The following ST14 variants were observed in gnomAD, a reference collection of about 807,000 sequenced individuals.
ST14 encodes the protein suppressor of tumorigenicity 14 protein.
Under a neutral mutation model 96.5 loss-of-function variants are expected in ST14, and 40 were observed. The observed-to-expected ratio is 0.41, with a 90% CI of 0.32 to 0.54. ST14 has a LOEUF of 0.54. ST14 is among the 20% of genes least tolerant of loss of function. The probability of loss-of-function intolerance (pLI) is 0.17; values close to 1 mark genes in which losing one functional copy is unlikely to be tolerated. For synonymous variants in ST14, 506 were observed against 492.1 expected, an observed-to-expected ratio of 1.03 and a Z score of -0.37; for missense variants, 1,066 against 1,188.9, an observed-to-expected ratio of 0.90 and a Z score of 1.52.
intron 7 of ST14, among the ~76,000 whole-genome samples, chr11:130,192,647 C>A (rs1953315863): frequency 6.6e-6 from 1 of 152,224 alleles, no homozygotes; most frequent in Non-Finnish European, 1.5e-5. Flanking sequence ...CTGCCTTGGC[C>A]TCCCAAAGTA....
chr11:130,186,372 A>G (rs1953238041), intron 1 of ST14, among the ~76,000 whole-genome samples: 1 of 152,244 alleles, frequency 6.6e-6, no homozygotes, highest in African/African-American at 2.4e-5. Flanking sequence ...GTTTTAACGC[A>G]GAAGGAGATT....
In ST14 at chr11:130,206,363, G is replaced by A. The variant is rs1490837398; in HGVS notation, c.1995-2047G>A. ...TCATAAAGGGGCTTCCCCCTTGGTC[G>A]TGACTACACTGCAGGTGATTCTTTG... is the stretch of plus-strand genomic sequence containing the variant. On this transcript the variant is annotated intron_variant, in intron 16 of 18. Transcript: ENST00000278742. Among the ~76,000 whole-genome samples, 7 of 150,628 alleles carry A rather than the reference G, an allele frequency of 4.6e-5. No individual in the cohort carries two copies. The South Asian group carries it at 1.5e-3, about 32-fold the overall frequency.
chr11:130,189,607 G>T (rs143621465), intron 4 of ST14, 132 bp from the exon 5 acceptor site: 2 of 1,180,364 alleles, frequency 1.7e-6, no homozygotes, highest in Admixed American at 3.9e-5. Flanking sequence ...CACAAGAGGA[G>T]CTGGGGAAGG....
intron 1 of ST14, among the ~76,000 whole-genome samples, chr11:130,164,694 C>A (rs1215208088): frequency 1.3e-5 from 2 of 151,090 alleles, no homozygotes; most frequent in Admixed American, 6.6e-5. Context: ...GCTGGGACTA[C>A]AAGTGTGAGC....
At chr11:130,192,218 G>A (rs1282944255) in intron 7 of ST14, among the ~76,000 whole-genome samples, 1 of 152,166 alleles carries the variant, frequency 6.6e-6, no homozygotes, top group African/African-American at 2.4e-5. Context: ...TTCAGGCCAA[G>A]AACAACCTAG....
In ST14 at chr11:130,196,616, A is replaced by G. The variant is rs1453969240; in HGVS notation, c.1270A>G (p.Lys424Glu). 6.2e-7 allele frequency: 1 copy of G among 1,613,640 alleles called. No homozygotes were observed. The highest frequency in any genetic ancestry group is 1.1e-5 in the South Asian group (1 of 91,060). Residue 424 changes from lysine (K) to glutamate (E), a missense_variant, in exon 11 of 19, where the codon AAG (lysine) becomes GAG (glutamate). Physicochemically the swap from Lys to Glu is moderately conservative, Grantham distance 56. Coordinates refer to ENST00000278742, the MANE Select transcript of ST14 (RefSeq NM_021978.4). The part of the protein sequence containing the change: ...SQFVVTSNSN[K>E]ITVRFHSDQS... Reference sequence around the variant, plus strand: ...GTTCGTCGTCACCAGCAACAGCAACAAGATCACAGTTCGCTTCCACTCAGA... The same window carrying G: ...GTTCGTCGTCACCAGCAACAGCAACGAGATCACAGTTCGCTTCCACTCAGA...
At chr11:130,173,666 G>A (rs542547277) in intron 1 of ST14, among the ~76,000 whole-genome samples, 1 of 152,098 alleles carries the variant, frequency 6.6e-6, no homozygotes, top group South Asian at 2.1e-4. Flanking sequence ...AGTCTGTAGT[G>A]TGGGCCTTAG....
chr11:130,198,693 A>G lies in ST14; in HGVS notation c.1684+72A>G. The G allele has an allele frequency of 2.8e-6, 4 of 1,432,132 alleles. No homozygotes were observed. The South Asian group carries it at 3.5e-5, about 13-fold the overall frequency. The allele number at this position is 1,432,132 out of a possible 1,614,324, so 88.7% of individuals were successfully genotyped here. On this transcript the variant is annotated intron_variant, in intron 14 of 18. Coordinates refer to ENST00000278742, the MANE Select transcript of ST14 (RefSeq NM_021978.4). ...AGGAGGCTGCCCTGAGCACACGCAC[A>G]TGCAGGACGCCCCGAGTTTAATGAA...
chr11:130,199,126 C>A, intron 15 of ST14, 57 bp downstream of exon 15: 1 of 1,564,346 alleles, frequency 6.4e-7, no homozygotes, highest in East Asian at 2.3e-5. Flanking sequence ...AAGTGCCCAC[C>A]AGAGGGTGCA....
chr11:130,199,120 G>A (rs1474365901), intron 15 of ST14, 51 bp downstream of exon 15: 4 of 1,581,494 alleles, frequency 2.5e-6, no homozygotes, highest in Non-Finnish European at 3.4e-6. Context: ...TGTGTGAAGT[G>A]CCCACCAGAG....
At chr11:130,186,059 C>T (rs149113643) in intron 1 of ST14, among the ~76,000 whole-genome samples, 1,726 of 152,300 alleles carry the variant, frequency 0.011, 28 homozygotes, top group African/African-American at 0.039. Context: ...CCACCTGCCT[C>T]GGCCTCCCAA....
Position 130,208,624 on chromosome 11 carries a change from C to T in ST14, c.2209C>T (p.His737Tyr), listed in dbSNP as rs753106631. The change falls in exon 17 of 19, where the codon CAT (histidine) becomes TAT (tyrosine). Residue 737 changes from histidine (H) to tyrosine (Y), a missense_variant. By Grantham distance (83) the His-to-Tyr change is moderately conservative (BLOSUM62 2). Transcript: ENST00000278742. The stretch of plus-strand genomic sequence containing the variant: ...GCCCATCTGCCTGCCGGACGCCTCC[C>T]ATGTCTTCCCTGCCGGCAAGGCCAT... The part of the protein sequence containing the change: ...VRPICLPDAS[H>Y]VFPAGKAIWV... 7 of 1,613,914 alleles carry T rather than the reference C, an allele frequency of 4.3e-6. No homozygotes were observed. The highest frequency in any genetic ancestry group is 1.3e-5 in the African/African-American group (1 of 74,944).
At position 130,209,542 on chromosome 11, in the gene ST14, C is replaced by T. The variant is rs1406375113; in HGVS notation, c.2370C>T (p.Cys790=). Residue 790 remains cysteine (C), a synonymous_variant, in exon 18 of 19, where the codon TGC becomes TGT. Coordinates refer to ENST00000278742, the MANE Select transcript of ST14 (RefSeq NM_021978.4). ...AGCAGATCACGCCGCGCATGATGTG[C>T]GTGGGCTTCCTCAGCGGCGGCGTGG... The part of the protein sequence containing the change: ...LPQQITPRMM[C]VGFLSGGVDS... 6.3e-7 allele frequency: 1 copy of T among 1,576,822 alleles called. No individual in the cohort carries two copies.
intron 1 of ST14, among the ~76,000 whole-genome samples, chr11:130,177,904 C>T (rs1266807125): frequency 2.0e-5 from 3 of 152,254 alleles, no homozygotes; most frequent in East Asian, 1.9e-4. Context: ...TTCTCATGAG[C>T]GGTGCGAGGT....
chr11:130,194,582 C>A (rs1013101332), intron 8 of ST14, 58 bp from the exon 9 acceptor site: 8 of 1,558,062 alleles, frequency 5.1e-6, no homozygotes, highest in Non-Finnish European at 7.1e-6. Context: ...AGCCCTCGTC[C>A]GCCTGCTCGG....
intron 1 of ST14, among the ~76,000 whole-genome samples, chr11:130,174,956 T>C (rs983850887): frequency 1.3e-5 from 2 of 152,242 alleles, no homozygotes; most frequent in Non-Finnish European, 2.9e-5. Context: ...GGTTTTGCCA[T>C]AAATGTTACC....
Position 130,170,854 on chromosome 11 carries a change from C to CT in ST14, c.81+10804dup, listed in dbSNP as rs910213549. Among the ~76,000 whole-genome samples, 349 of 147,270 alleles carry CT rather than the reference C, an allele frequency of 2.4e-3. 2 individuals carry two copies. Among genetic ancestry groups the CT allele is most frequent in the African/African-American group, 7.6e-3 (305 of 40,186 alleles). On this transcript the variant is annotated intron_variant, in intron 1 of 18. Coordinates refer to ENST00000278742, the MANE Select transcript of ST14 (RefSeq NM_021978.4). ...GTAGATAGAGTTTTGCAGAGTGTTC[C>CT]TTTTTTTTTTGTTTTTGAAATCAAC...
chr11:130,190,776 A>G (rs2136213267), intron 7 of ST14, 82 bp downstream of exon 7: 1 of 1,457,084 alleles, frequency 6.9e-7, no homozygotes, highest in Non-Finnish European at 9.1e-7. Context: ...CGATTGGGAT[A>G]CAGTTTATGA....
chr11:130,207,436 A>G (rs957319889), intron 16 of ST14, among the ~76,000 whole-genome samples: 1 of 152,248 alleles, frequency 6.6e-6, no homozygotes, highest in African/African-American at 2.4e-5. Flanking sequence ...CTGTAGTCCC[A>G]GCTACTCGGG....
Sources: gnomAD v4.1 joint callset for allele counts (sites outside exome capture counted in the v4.1 genomes callset) on GRCh38, gnomAD v4.1.1 for gene constraint, MANE v1.5 for transcripts, NCBI Gene and HGNC (gene_info 2026-07-23, HGNC 2026-07-21) for gene names.